The following NDST1 variants were observed in gnomAD, a reference collection of about 807,000 sequenced individuals.
The protein encoded by NDST1 is bifunctional heparan sulfate N-deacetylase/N-sulfotransferase 1.
Under a neutral mutation model 92.8 loss-of-function variants are expected in NDST1, and 35 were observed. The observed-to-expected ratio is 0.38, with a 90% CI of 0.29 to 0.50. The LOEUF (loss-of-function observed/expected upper bound fraction) is 0.50. NDST1 is among the 20% of genes least tolerant of loss of function. NDST1 has a pLI of 0.94. For synonymous variants in NDST1, 493 were observed against 500.3 expected, an observed-to-expected ratio of 0.99 and a Z score of 0.19; for missense variants, 822 against 1,182.7, an observed-to-expected ratio of 0.69 and a Z score of 4.47.
chr5:150,507,237 C>T (rs529279387), upstream of NDST1, among the ~76,000 whole-genome samples: 7 of 152,302 alleles, frequency 4.6e-5, no homozygotes, highest in African/African-American at 1.7e-4. Context: ...AGCCCAACCT[C>T]CATCCTTAAG....
upstream of NDST1, among the ~76,000 whole-genome samples, chr5:150,506,437 C>T (rs1753460634): frequency 6.6e-6 from 1 of 152,128 alleles, no homozygotes; most frequent in African/African-American, 2.4e-5. Context: ...TTCTAAAAGG[C>T]TCCTCGCGGG....
intron 10 of NDST1, among the ~76,000 whole-genome samples, chr5:150,543,543 C>G (rs1755342171): frequency 6.6e-6 from 1 of 152,176 alleles, no homozygotes; most frequent in Admixed American, 6.5e-5. Flanking sequence ...TTTCAGTTGG[C>G]ATCTTTCTCT....
At chr5:150,513,957 G>A (rs1753844388) in intron 1 of NDST1, among the ~76,000 whole-genome samples, 3 of 152,368 alleles carry the variant, frequency 2.0e-5, no homozygotes, top group Non-Finnish European at 2.9e-5. Flanking sequence ...GACGACCAGA[G>A]CATCTCATTC....
chr5:150,538,285 A>G (rs915453896), intron 6 of NDST1, among the ~76,000 whole-genome samples: 1 of 152,230 alleles, frequency 6.6e-6, no homozygotes, highest in Non-Finnish European at 1.5e-5. Flanking sequence ...TTGGATGGCC[A>G]TGGGCTTTTA....
intron 11 of NDST1, among the ~76,000 whole-genome samples, chr5:150,545,991 C>CTTTTTT (rs34937690): frequency 2.4e-5 from 2 of 83,690 alleles, no homozygotes; most frequent in Non-Finnish European, 4.5e-5. Context: ...CCAGAGCTGT[C>CTTTTTT]TTTTTTTTTT....
rs976777019 is a variant in NDST1 at position 150,553,027 on chromosome 5, A to G, written c.2530-186A>G. ...TCACCCCGCTAATTTTTGTATTTTT[A>G]GTAGGGTTTTCCCATGTTGGCCAGG... On this transcript the variant is annotated intron_variant, in intron 14 of 14. Transcript: ENST00000261797. This position sits in a 1 kb window ranked among gnomAD's most constrained non-coding sequence, Gnocchi z 4.2. 2.8e-4 allele frequency among the ~76,000 whole-genome samples: 42 copies of G among 151,898 alleles called. No individual in the cohort carries two copies. The highest frequency in any genetic ancestry group is 1.3e-4 in the Admixed American group (2 of 15,246).
At position 150,551,742 on chromosome 5, in the gene NDST1, C is replaced by A. The variant is rs1248804021; in HGVS notation, c.2427-11C>A. On this transcript the variant is annotated splice_polypyrimidine_tract_variant and intron_variant, in intron 13 of 14. Transcript: ENST00000261797. ...GCCAGCTCCCATCCAAAGACTTTCC[C>A]ACCTCCACAGGTTTGATCCAAAGAA... The A allele has an allele frequency of 6.2e-7, 1 of 1,611,946 alleles. No individual in the cohort carries two copies. Among genetic ancestry groups the A allele is most frequent in the Non-Finnish European group, 8.5e-7 (1 of 1,178,522 alleles).
At chr5:150,540,822 A>G (rs1208981411) in intron 8 of NDST1, among the ~76,000 whole-genome samples, 1 of 152,218 alleles carries the variant, frequency 6.6e-6, no homozygotes, top group Non-Finnish European at 1.5e-5. Flanking sequence ...TTCAAAAACA[A>G]AAAACAACTC....
chr5:150,528,847 A>G (rs1754590768), intron 3 of NDST1, among the ~76,000 whole-genome samples: 1 of 152,182 alleles, frequency 6.6e-6, no homozygotes, highest in Admixed American at 6.5e-5. Context: ...AATATGAGGA[A>G]TTTTGCATCT....
intron 14 of NDST1, 36 bp downstream of exon 14, chr5:150,551,891 A>G (rs1168576892): frequency 1.2e-6 from 2 of 1,608,802 alleles, no homozygotes; most frequent in Admixed American, 1.7e-5. Flanking sequence ...GCACCTGCAT[A>G]AGGGTAAGGG....
intron 3 of NDST1, among the ~76,000 whole-genome samples, chr5:150,531,385 G>A (rs12514506): frequency 1.3e-5 from 2 of 152,158 alleles, no homozygotes; most frequent in African/African-American, 4.8e-5. Context: ...ACCAGGCGGT[G>A]CACGGCCCTG....
intron 10 of NDST1, among the ~76,000 whole-genome samples, chr5:150,544,863 CGCCCTCTGGAG>C (rs1755411033): frequency 6.6e-6 from 1 of 152,158 alleles, no homozygotes; most frequent in Non-Finnish European, 1.5e-5. Context: ...AAAGAAAGTC[CGCCCTCTGGAG>C]GCCCCCTCTG....
chr5:150,545,186 T>G, intron 10 of NDST1, 126 bp from the exon 11 acceptor site: 1 of 1,118,916 alleles, frequency 8.9e-7, no homozygotes, highest in South Asian at 1.3e-5. Context: ...CTTGTTTGGT[T>G]GGGAGCAAAG....
chr5:150,540,201 C>T lies in NDST1; in HGVS notation c.1686C>T (p.Pro562=). 6.2e-7 allele frequency: 1 copy of T among 1,614,170 alleles called. No individual in the cohort carries two copies. The highest frequency in any genetic ancestry group is 8.5e-7 in the Non-Finnish European group (1 of 1,180,018). Reference sequence around the variant, plus strand: ...CGAACCTCCGGCTGCAGACACTGCCCCCTGTGCAGTTGGCGCAGAAGTACT... The same window carrying T: ...CGAACCTCCGGCTGCAGACACTGCCTCCTGTGCAGTTGGCGCAGAAGTACT... ...SWTNLRLQTL[P]PVQLAQKYFQ... is the part of the protein sequence containing the mutation. Residue 562 remains proline (P), a synonymous_variant, in exon 8 of 15, where the codon CCC becomes CCT. Coordinates refer to ENST00000261797, the MANE Select transcript of NDST1 (RefSeq NM_001543.5).
chr5:150,530,168 G>A (rs191368135), intron 3 of NDST1, among the ~76,000 whole-genome samples: 2 of 152,324 alleles, frequency 1.3e-5, no homozygotes, highest in Admixed American at 6.5e-5. Flanking sequence ...GGGATGTTTT[G>A]GTGCCAGGCT....
Position 150,554,871 on chromosome 5 carries a change from T to C in NDST1, c.*1539T>C, listed in dbSNP as rs1472641649. ...GCTCCTACCCCACCCCATTTAACAA[T>C]GTGAAGTGACTGAGGCTGGGGTGCC... On this transcript the variant is annotated 3_prime_UTR_variant, in exon 15 of 15. Coordinates refer to ENST00000261797, the MANE Select transcript of NDST1 (RefSeq NM_001543.5). 1 of 152,668 alleles carries C rather than the reference T, an allele frequency of 6.6e-6. No individual in the cohort carries two copies. The highest frequency in any genetic ancestry group is 1.9e-4 in the East Asian group (1 of 5,188). The allele number at this position is 152,668 out of a possible 1,614,324, so 9.5% of individuals were successfully genotyped here. A position where few individuals can be genotyped will look rare whatever the true frequency, so the allele number is the denominator to read the frequency against.
At chr5:150,530,598 C>CT (rs1754684645) in intron 3 of NDST1, among the ~76,000 whole-genome samples, 1 of 134,626 alleles carries the variant, frequency 7.4e-6, no homozygotes, top group Non-Finnish European at 1.5e-5. Context: ...GAGTCTTACT[C>CT]TGCCACCCAG....
chr5:150,537,592 A>T (rs1220782359), intron 6 of NDST1, among the ~76,000 whole-genome samples: 1 of 152,192 alleles, frequency 6.6e-6, no homozygotes, highest in Admixed American at 6.5e-5. Context: ...TGCTGATAAG[A>T]TGTTATCAAT....
chr5:150,521,216 C>A lies in NDST1; in HGVS notation c.-39C>A, dbSNP rs1754226996. The A allele has an allele frequency of 1.3e-6, 2 of 1,577,618 alleles. No individual in the cohort carries two copies. Among genetic ancestry groups the A allele is most frequent in the African/African-American group, 1.4e-5 (1 of 73,712 alleles). ...GTGTGGGGCCTTGGGGTAGCCAGGG[C>A]AGGCCGGGCCTCCGGTGGCCAAGGT... On this transcript the variant is annotated 5_prime_UTR_variant, in exon 2 of 15. Coordinates refer to ENST00000261797, the MANE Select transcript of NDST1 (RefSeq NM_001543.5). This position sits in a 1 kb window ranked among gnomAD's most constrained non-coding sequence, Gnocchi z 5.9.
Sources: allele counts gnomAD v4.1 joint callset (sites outside exome capture counted in the v4.1 genomes callset), GRCh38; gene constraint gnomAD v4.1.1; non-coding constraint Gnocchi (gnomAD v3.1); transcripts MANE v1.5; gene names NCBI Gene and HGNC (gene_info 2026-07-23, HGNC 2026-07-21).